GRIP1: variants seen among roughly 807,000 people sequenced by gnomAD.
GRIP1 encodes glutamate receptor interacting protein 1.
Under a neutral mutation model 129.9 loss-of-function variants are expected in GRIP1, and 45 were observed. The observed-to-expected ratio is 0.35, with a 90% CI of 0.27 to 0.44. GRIP1 has a LOEUF of 0.44. Ranked by LOEUF, GRIP1 falls within the 20% of genes least tolerant of loss-of-function variation. The pLI is 1.00. For synonymous variants in GRIP1, 530 were observed against 520.8 expected, an observed-to-expected ratio of 1.02 and a Z score of -0.24; for missense variants, 1,196 against 1,396.8, an observed-to-expected ratio of 0.86 and a Z score of 2.29.
At chr12:66,882,272 T>C (rs990221629) in intron 1 of GRIP1, among the ~76,000 whole-genome samples, 1 of 149,468 alleles carries the variant, frequency 6.7e-6, no homozygotes, top group Non-Finnish European at 1.5e-5. Flanking sequence ...TCTGAGCCAA[T>C]GCAATGCTAG....
At chr12:66,900,500 C>T (rs549341780) in intron 1 of GRIP1, among the ~76,000 whole-genome samples, 1 of 152,260 alleles carries the variant, frequency 6.6e-6, no homozygotes, top group South Asian at 2.1e-4. Flanking sequence ...AAGTAAGTAT[C>T]TTTTGCTTAA....
intron 1 of GRIP1, among the ~76,000 whole-genome samples, chr12:66,777,848 T>C (rs187666198): frequency 6.6e-6 from 1 of 152,278 alleles, no homozygotes; most frequent in Admixed American, 6.5e-5. Flanking sequence ...CATGCAGAAA[T>C]ACAGGAAGTC....
chr12:66,678,732 C>T, intron 1 of GRIP1, 118 bp downstream of exon 1: 1 of 914,284 alleles, frequency 1.1e-6, no homozygotes, highest in Non-Finnish European at 1.8e-6. Context: ...TCACTGAGTT[C>T]TTTGTTGCCT....
intron 1 of GRIP1, among the ~76,000 whole-genome samples, chr12:66,821,585 T>C (rs759550130): frequency 2.0e-5 from 3 of 152,216 alleles, no homozygotes; most frequent in Non-Finnish European, 4.4e-5. Context: ...TGCAATTTAG[T>C]TGAAGTTTAT....
At chr12:66,639,417 A>G (rs2031721924) in intron 1 of GRIP1, among the ~76,000 whole-genome samples, 1 of 152,204 alleles carries the variant, frequency 6.6e-6, no homozygotes, top group South Asian at 2.1e-4. Context: ...CATTTGTGAA[A>G]GCACACAGCA....
chr12:66,616,232 A>C (rs1221578175), intron 1 of GRIP1, among the ~76,000 whole-genome samples: 6 of 152,058 alleles, frequency 3.9e-5, no homozygotes, highest in Admixed American at 3.9e-4. Context: ...GGCCACAATA[A>C]ATTTTTGGGA....
intron 1 of GRIP1, among the ~76,000 whole-genome samples, chr12:67,023,702 T>C (rs1411521219): frequency 8.5e-5 from 13 of 152,244 alleles, no homozygotes. Context: ...GATTAAGCAG[T>C]GGAATCCAAA....
chr12:66,789,057 T>C (rs185661119), intron 1 of GRIP1, among the ~76,000 whole-genome samples: 2 of 152,294 alleles, frequency 1.3e-5, no homozygotes, highest in African/African-American at 4.8e-5. Flanking sequence ...TTACTTTATT[T>C]TTAGGACTTT....
chr12:66,626,876 T>G (rs2030136826), intron 1 of GRIP1: 1 of 152,310 alleles, frequency 6.6e-6, no homozygotes, highest in Admixed American at 6.6e-5. Flanking sequence ...CTGATGCTAT[T>G]TTGCCAGGAT....
At chr12:66,708,734 T>C (rs749070583) in intron 1 of GRIP1, among the ~76,000 whole-genome samples, 2 of 151,938 alleles carry the variant, frequency 1.3e-5, no homozygotes, top group Non-Finnish European at 2.9e-5. Flanking sequence ...TTTTGTTACA[T>C]AGGTATACAT....
intron 1 of GRIP1, among the ~76,000 whole-genome samples, chr12:67,038,145 A>G (rs2043125964): frequency 6.6e-6 from 1 of 152,178 alleles, no homozygotes; most frequent in Non-Finnish European, 1.5e-5. Flanking sequence ...AAAGCTTCCT[A>G]TGCTGTTACT....
chr12:66,902,866 G>A (rs1187528808), intron 1 of GRIP1, among the ~76,000 whole-genome samples: 1 of 152,166 alleles, frequency 6.6e-6, no homozygotes, highest in African/African-American at 2.4e-5. Flanking sequence ...AAAGATACAT[G>A]TTCTGCGTGA....
intron 1 of GRIP1, among the ~76,000 whole-genome samples, chr12:66,901,216 G>A (rs1451289990): frequency 6.6e-6 from 1 of 152,182 alleles, no homozygotes. Context: ...TCCATTAGAG[G>A]GGGAGTTAGT....
At chr12:66,543,540 TA>T (rs1441489178) in intron 2 of GRIP1, among the ~76,000 whole-genome samples, 1 of 152,158 alleles carries the variant, frequency 6.6e-6, no homozygotes. Context: ...TTGTGCTACT[TA>T]AAACAAAACA....
intron 1 of GRIP1, among the ~76,000 whole-genome samples, chr12:66,755,045 C>G (rs1320903391): frequency 6.6e-6 from 1 of 152,018 alleles, no homozygotes; most frequent in Non-Finnish European, 1.5e-5. Flanking sequence ...GATATAACTT[C>G]CCAAACATAA....
Position 66,444,638 on chromosome 12 carries a change from G to A in GRIP1, c.1633C>T (p.Arg545Ter), listed in dbSNP as rs1452438437. 1.9e-6 allele frequency: 3 copies of A among 1,613,880 alleles called. No homozygotes were observed. The highest frequency in any genetic ancestry group is 2.2e-5 in the East Asian group (1 of 44,882). Residue 545 changes from arginine (R) to a stop codon, truncating the protein, a stop_gained, in exon 13 of 25, where the codon CGA becomes TGA. Coordinates refer to ENST00000359742, the MANE Select transcript of GRIP1 (RefSeq NM_001366722.1). LOFTEE classifies it high-confidence loss of function. ...ACCTTGCTCGTGATTGAAGAGTCTC[G>A]GAGGAGCTGACTGGCTTCTTCGAAG... ...STFEEASQLL[R>*]DSSITSKVTL...
At chr12:66,458,015 T>C (rs1465199976) in intron 9 of GRIP1, among the ~76,000 whole-genome samples, 1 of 152,260 alleles carries the variant, frequency 6.6e-6, no homozygotes, top group Non-Finnish European at 1.5e-5. Flanking sequence ...TACTTTTCCA[T>C]TTACGTGCCA....
At chr12:66,800,519 C>T (rs918962594) in intron 1 of GRIP1, among the ~76,000 whole-genome samples, 6 of 152,128 alleles carry the variant, frequency 3.9e-5, no homozygotes, top group Admixed American at 6.6e-5. Context: ...TAAGAGATTG[C>T]TTCTTTAATA....
At chr12:66,367,988 G>T (rs1464435964) in intron 23 of GRIP1, among the ~76,000 whole-genome samples, 2 of 152,204 alleles carry the variant, frequency 1.3e-5, no homozygotes, top group Admixed American at 6.5e-5. Context: ...TGGACAACTT[G>T]AAGGAAGGCT....
Sources: allele counts gnomAD v4.1 joint callset (sites outside exome capture counted in the v4.1 genomes callset), GRCh38; gene constraint gnomAD v4.1.1; transcripts MANE v1.5; gene names NCBI Gene and HGNC (gene_info 2026-07-23, HGNC 2026-07-21).